Variants in SATB2 observed in about 807,000 individuals in gnomAD.
SATB2 encodes the protein SATB homeobox 2.
A neutral mutation model predicts 73.4 loss-of-function variants in SATB2; 1 was observed. The observed-to-expected ratio is 0.01, with a 90% CI of 0.00 to 0.06. The LOEUF is 0.06. Ranked by LOEUF, SATB2 falls within the 10% of genes least tolerant of loss-of-function variation. The pLI, the probability that SATB2 is intolerant of heterozygous loss-of-function variation, is 1.00. For missense variants in SATB2, 459 were observed against 945.8 expected (o/e 0.49, Z 6.75); for synonymous variants, 397 against 367.0 (o/e 1.08, Z -0.93).
intron 10 of SATB2, among the ~76,000 whole-genome samples, chr2:199,292,065 A>G (rs1455604753): frequency 6.6e-6 from 1 of 151,950 alleles, no homozygotes; most frequent in Non-Finnish European, 1.5e-5. Context: ...TATTTGTGAA[A>G]AGCAATGCTA....
At chr2:199,417,030 C>T (rs1035843205) in intron 3 of SATB2, among the ~76,000 whole-genome samples, 10 of 108,904 alleles carry the variant, frequency 9.2e-5, no homozygotes, top group Admixed American at 6.2e-4. Flanking sequence ...AGTGAGACTC[C>T]GTCTCTCACA....
intron 10 of SATB2, among the ~76,000 whole-genome samples, chr2:199,280,224 C>T (rs185732179): frequency 9.2e-5 from 14 of 152,298 alleles, no homozygotes; most frequent in Non-Finnish European, 1.6e-4. Flanking sequence ...TATCACTTCC[C>T]CGATCAATAC....
chr2:199,307,913 CTTT>C (rs1687480789), intron 10 of SATB2, among the ~76,000 whole-genome samples: 1 of 152,140 alleles, frequency 6.6e-6, no homozygotes, highest in Admixed American at 6.5e-5. Flanking sequence ...CCTCAACTTT[CTTT>C]TTCTTACTCC....
intron 7 of SATB2, among the ~76,000 whole-genome samples, chr2:199,335,487 T>G (rs574507555): frequency 2.6e-5 from 4 of 152,206 alleles, no homozygotes; most frequent in Non-Finnish European, 5.9e-5. Context: ...CTCACATTTA[T>G]GAGACATCTT....
intron 5 of SATB2, among the ~76,000 whole-genome samples, chr2:199,374,144 C>A (rs1015847011): frequency 1.3e-5 from 2 of 152,174 alleles, no homozygotes; most frequent in African/African-American, 2.4e-5. Context: ...ACTACATGAA[C>A]GCCATACCAT....
chr2:199,363,334 A>C (rs1689192226), intron 6 of SATB2, among the ~76,000 whole-genome samples: 1 of 152,224 alleles, frequency 6.6e-6, no homozygotes, highest in South Asian at 2.1e-4. Context: ...TATGAATCCG[A>C]TATTTGTGAC....
At chr2:199,329,733 A>G (rs971425830) in intron 7 of SATB2, among the ~76,000 whole-genome samples, 9 of 152,180 alleles carry the variant, frequency 5.9e-5, no homozygotes, top group African/African-American at 1.7e-4. Flanking sequence ...CAGGGTTTTC[A>G]TGTGCTCTGA....
rs17199709 is a variant in SATB2 at position 199,394,060 on chromosome 2, T to C, written c.347-12240A>G. ...TATGTTAAAATTATTAAAGAGTAACTTTCCCCAGGACACTTTTATGTTAAT... is the reference window on the plus strand; with the variant it reads ...TATGTTAAAATTATTAAAGAGTAACCTTCCCCAGGACACTTTTATGTTAAT... On this transcript the variant is annotated intron_variant, in intron 3 of 10. Coordinates refer to ENST00000417098, the MANE Select transcript of SATB2 (RefSeq NM_001172509.2). Among the ~76,000 whole-genome samples, 1,196 of 152,294 alleles carry C rather than the reference T, an allele frequency of 7.9e-3. 22 individuals are homozygous for C. Among genetic ancestry groups the C allele is most frequent in the Admixed American group, 0.046 (704 of 15,292 alleles).
intron 5 of SATB2, chr2:199,369,048 T>C (rs552241832): frequency 8.7e-6 from 2 of 230,062 alleles, no homozygotes; most frequent in African/African-American, 4.6e-5. Flanking sequence ...ATCCAAATAA[T>C]GCCTTTCAGA....
At chr2:199,365,250 C>T (rs1362449687) in intron 6 of SATB2, among the ~76,000 whole-genome samples, 1 of 150,992 alleles carries the variant, frequency 6.6e-6, no homozygotes, top group Non-Finnish European at 1.5e-5. Flanking sequence ...CTTATGAGCT[C>T]TACATTGTAA....
At chr2:199,361,983 C>T (rs1454374415) in intron 6 of SATB2, among the ~76,000 whole-genome samples, 3 of 151,780 alleles carry the variant, frequency 2.0e-5, no homozygotes, top group South Asian at 4.2e-4. Context: ...GTGATCCACC[C>T]GCCTCGGCCT....
At chr2:199,307,637 C>T (rs1687472526) in intron 10 of SATB2, among the ~76,000 whole-genome samples, 2 of 152,064 alleles carry the variant, frequency 1.3e-5, no homozygotes, top group African/African-American at 4.8e-5. Context: ...GGAAACTGAC[C>T]AATGATAACA....
intron 3 of SATB2, among the ~76,000 whole-genome samples, chr2:199,421,089 G>T (rs188561467): frequency 6.6e-6 from 1 of 152,050 alleles, no homozygotes; most frequent in East Asian, 1.9e-4. Flanking sequence ...AGTATGAGCC[G>T]CATGACTCCA....
chr2:199,426,381 C>T (rs372066515), intron 3 of SATB2, among the ~76,000 whole-genome samples: 21 of 152,132 alleles, frequency 1.4e-4, no homozygotes, highest in South Asian at 6.2e-4. Flanking sequence ...CTCCTCCTCC[C>T]GGGTTCAAGT....
chr2:199,467,742 A>G (rs1054798533), upstream of SATB2, among the ~76,000 whole-genome samples: 4 of 152,120 alleles, frequency 2.6e-5, no homozygotes, highest in Non-Finnish European at 5.9e-5. Context: ...TCCCTACCGC[A>G]ATATACCCCT....
At chr2:199,410,286 T>C (rs953857081) in intron 3 of SATB2, among the ~76,000 whole-genome samples, 3 of 152,156 alleles carry the variant, frequency 2.0e-5, no homozygotes, top group African/African-American at 7.2e-5. Context: ...CTGAGATTAG[T>C]TTAATGATAT....
chr2:199,443,539 CAAAA>C (rs10598063), intron 2 of SATB2, among the ~76,000 whole-genome samples: 87 of 133,276 alleles, frequency 6.5e-4, no homozygotes, highest in Non-Finnish European at 6.9e-4. Context: ...AAAGTTATAG[CAAAA>C]AAAAAAAAAA....
Position 199,308,668 on chromosome 2 carries a change from G to A in SATB2, c.1740+92C>T. ...TGGCATGAGACACCCTCTGACAGAA[G>A]TTGGTGTGGTGTGTGCCACTTGGAC... is the stretch of plus-strand genomic sequence containing the variant. On this transcript the variant is annotated intron_variant, in intron 10 of 10. Coordinates refer to ENST00000417098, the MANE Select transcript of SATB2 (RefSeq NM_001172509.2). The surrounding 1 kb of genome is among the most constrained non-coding windows in gnomAD (Gnocchi z 4.6). 1 of 1,042,598 alleles carries A rather than the reference G, an allele frequency of 9.6e-7. No individual in the cohort carries two copies. The highest frequency in any genetic ancestry group is 1.5e-6 in the Non-Finnish European group (1 of 678,040). The allele number at this position is 1,042,598 out of a possible 1,614,324, so 64.6% of individuals were successfully genotyped here. A position where few individuals can be genotyped will look rare whatever the true frequency, so the allele number is the denominator to read the frequency against.
chr2:199,321,365 G>A (rs930615), intron 9 of SATB2, among the ~76,000 whole-genome samples: 136,276 of 149,912 alleles, frequency 0.91, 62,820 homozygotes, highest in Non-Finnish European at 1. Flanking sequence ...AGATATATAT[G>A]TATGTCTATA....
Sources: gnomAD v4.1 joint callset for allele counts (sites outside exome capture counted in the v4.1 genomes callset) on GRCh38, gnomAD v4.1.1 for gene constraint, Gnocchi (gnomAD v3.1) non-coding constraint, MANE v1.5 for transcripts, NCBI Gene and HGNC (gene_info 2026-07-23, HGNC 2026-07-21) for gene names.